Variants in PHACTR1 observed in about 807,000 individuals in gnomAD.
PHACTR1 encodes phosphatase and actin regulator 1.
PHACTR1 carries 16 observed loss-of-function variants against 69.2 expected under a neutral mutation model. The observed-to-expected ratio is 0.23, with a 90% CI of 0.16 to 0.35. The LOEUF (loss-of-function observed/expected upper bound fraction) is 0.35. PHACTR1 is among the 10% of genes least tolerant of loss of function. PHACTR1 has a pLI of 1.00. For missense variants in PHACTR1, 510 were observed against 734.7 expected (o/e 0.69, Z 3.54); for synonymous variants, 312 against 284.5 (o/e 1.10, Z -0.97).
intron 4 of PHACTR1, among the ~76,000 whole-genome samples, chr6:12,876,301 TA>T (rs1782523842): frequency 6.6e-6 from 1 of 152,198 alleles, no homozygotes; most frequent in Admixed American, 6.5e-5. Flanking sequence ...GCATATATAT[TA>T]ATTATGTAAT....
intron 3 of PHACTR1, among the ~76,000 whole-genome samples, chr6:12,733,440 C>T (rs776757955): frequency 2.6e-5 from 4 of 152,126 alleles, no homozygotes; most frequent in Non-Finnish European, 4.4e-5. Flanking sequence ...AAAAACTGAC[C>T]GAATACCACA....
chr6:12,908,713 G>A (rs957770519), intron 4 of PHACTR1, among the ~76,000 whole-genome samples: 1 of 152,148 alleles, frequency 6.6e-6, no homozygotes, highest in African/African-American at 2.4e-5. Context: ...ACAGGCACAT[G>A]CAAAGGTTAA....
chr6:12,792,323 G>T (rs528823073), intron 4 of PHACTR1, among the ~76,000 whole-genome samples: 1 of 151,636 alleles, frequency 6.6e-6, no homozygotes, highest in South Asian at 2.1e-4. Context: ...AATTAGCCGG[G>T]CGTGGTGGTA....
At chr6:12,989,248 A>G (rs1392805081) in intron 4 of PHACTR1, among the ~76,000 whole-genome samples, 5 of 152,254 alleles carry the variant, frequency 3.3e-5, no homozygotes, top group Non-Finnish European at 7.3e-5. Context: ...AAATATAAAG[A>G]AGATATAATT....
At chr6:12,839,937 A>G (rs1219901494) in intron 4 of PHACTR1, among the ~76,000 whole-genome samples, 1 of 151,984 alleles carries the variant, frequency 6.6e-6, no homozygotes, top group Non-Finnish European at 1.5e-5. Flanking sequence ...TTTTTTATTT[A>G]TTCAGAGAGT....
At chr6:12,772,497 C>A (rs535155622) in intron 4 of PHACTR1, among the ~76,000 whole-genome samples, 4 of 152,240 alleles carry the variant, frequency 2.6e-5, no homozygotes, top group South Asian at 4.1e-4. Context: ...TGGAGATTTT[C>A]TTTTGCCTAG....
chr6:12,789,269 C>T (rs1343713080), intron 4 of PHACTR1, among the ~76,000 whole-genome samples: 1 of 152,156 alleles, frequency 6.6e-6, no homozygotes, highest in East Asian at 1.9e-4. Flanking sequence ...CTCTCTCTAC[C>T]CCATTGGTAA....
intron 4 of PHACTR1, among the ~76,000 whole-genome samples, chr6:12,891,165 G>A (rs936825289): frequency 6.6e-6 from 1 of 152,044 alleles, no homozygotes; most frequent in Non-Finnish European, 1.5e-5. Context: ...AATTTGCAAA[G>A]TAGTATCAAT....
At chr6:13,155,502 C>A (rs1758042695) in intron 5 of PHACTR1, among the ~76,000 whole-genome samples, 1 of 152,158 alleles carries the variant, frequency 6.6e-6, no homozygotes, top group Non-Finnish European at 1.5e-5. Context: ...CACTTTGACC[C>A]CACTGAAACT....
chr6:12,860,007 T>C (rs9395191), intron 4 of PHACTR1, among the ~76,000 whole-genome samples: 942 of 63,348 alleles, frequency 0.015, 3 homozygotes, highest in Non-Finnish European at 0.023. Flanking sequence ...TCATCATCAT[T>C]ATTATTATTA....
At chr6:13,254,415 TATCCTTA>T (rs962280469) in intron 10 of PHACTR1, among the ~76,000 whole-genome samples, 1 of 152,240 alleles carries the variant, frequency 6.6e-6, no homozygotes, top group African/African-American at 2.4e-5. Flanking sequence ...TGTAACTCTC[TATCCTTA>T]AAGAGAAATG....
At chr6:13,118,013 A>G (rs536512638) in intron 5 of PHACTR1, among the ~76,000 whole-genome samples, 1 of 152,338 alleles carries the variant, frequency 6.6e-6, no homozygotes, top group African/African-American at 2.4e-5. Flanking sequence ...TCCTTAAATC[A>G]ATATTTAGTG....
chr6:12,965,487 TTGG>T (rs1036793835), intron 4 of PHACTR1, among the ~76,000 whole-genome samples: 4 of 150,552 alleles, frequency 2.7e-5, no homozygotes, highest in Non-Finnish European at 4.4e-5. Context: ...GTGCTTTTTG[TTGG>T]TGGTTTTGCT....
At chr6:13,169,278 T>G (rs999414788) in intron 6 of PHACTR1, among the ~76,000 whole-genome samples, 1 of 152,146 alleles carries the variant, frequency 6.6e-6, no homozygotes, top group Non-Finnish European at 1.5e-5. Flanking sequence ...AACATTGTGA[T>G]GATTTGTCCC....
At chr6:12,977,225 T>G (rs1199940678) in intron 4 of PHACTR1, among the ~76,000 whole-genome samples, 1 of 152,182 alleles carries the variant, frequency 6.6e-6, no homozygotes, top group Non-Finnish European at 1.5e-5. Flanking sequence ...GTTCTAGGAT[T>G]ACAGGCTTGA....
At chr6:13,237,277 T>A (rs546827837) in intron 10 of PHACTR1, among the ~76,000 whole-genome samples, 1 of 152,030 alleles carries the variant, frequency 6.6e-6, no homozygotes, top group East Asian at 1.9e-4. Flanking sequence ...CTTGGGAGGC[T>A]AAGGTAGGAG....
chr6:13,231,913 C>T (rs1190053107), intron 10 of PHACTR1, among the ~76,000 whole-genome samples: 2 of 152,208 alleles, frequency 1.3e-5, no homozygotes, highest in Non-Finnish European at 2.9e-5. Flanking sequence ...GGTTACTTTG[C>T]ATAATGTCAC....
At chr6:12,821,159 G>A (rs1024141226) in intron 4 of PHACTR1, among the ~76,000 whole-genome samples, 2 of 152,102 alleles carry the variant, frequency 1.3e-5, no homozygotes, top group Non-Finnish European at 2.9e-5. Context: ...TAAAGAAGAA[G>A]TGCATGAGAA....
chr6:13,134,909 C>A (rs758303857), intron 5 of PHACTR1, among the ~76,000 whole-genome samples: 2 of 152,022 alleles, frequency 1.3e-5, no homozygotes, highest in Non-Finnish European at 1.5e-5. Flanking sequence ...GGTAACCTAC[C>A]CGAGTACACA....
Sources: allele counts gnomAD v4.1 joint callset (sites outside exome capture counted in the v4.1 genomes callset), GRCh38; gene constraint gnomAD v4.1.1; transcripts MANE v1.5; gene names NCBI Gene and HGNC (gene_info 2026-07-23, HGNC 2026-07-21).